The following RASEF variants were observed in gnomAD, a reference collection of about 807,000 sequenced individuals.
RASEF encodes the protein ras and EF-hand domain-containing protein.
RASEF carries 68 observed loss-of-function variants against 90.1 expected under a neutral mutation model. The observed-to-expected ratio is 0.75, with a 90% CI of 0.62 to 0.92. The LOEUF (loss-of-function observed/expected upper bound fraction) is 0.92. Among genes scored for constraint, RASEF ranks in the 40% least tolerant of loss-of-function variants. The pLI is 0.00. For synonymous variants in RASEF, 331 were observed against 345.2 expected, an observed-to-expected ratio of 0.96 and a Z score of 0.46; for missense variants, 949 against 937.2, an observed-to-expected ratio of 1.01 and a Z score of -0.16.
chr9:83,129,023 G>A, the RASEF span, among the ~76,000 whole-genome samples: 1 of 152,130 alleles, frequency 6.6e-6, no homozygotes, highest in Admixed American at 6.5e-5. Flanking sequence ...TCCCCATATA[G>A]GTCAGTTATC....
chr9:83,120,871 T>C, the RASEF span, among the ~76,000 whole-genome samples: 1 of 152,204 alleles, frequency 6.6e-6, no homozygotes, highest in Non-Finnish European at 1.5e-5. Context: ...AATTCCTTGA[T>C]ACATATCAAC....
At chr9:83,115,827 G>T in the RASEF span, among the ~76,000 whole-genome samples, 2 of 151,768 alleles carry the variant, frequency 1.3e-5, no homozygotes, top group Non-Finnish European at 2.9e-5. Flanking sequence ...TATAAATACT[G>T]CTAATATTAA....
In RASEF at chr9:83,022,352, T is replaced by C. The variant is rs1829460093; in HGVS notation, c.653A>G (p.His218Arg). The C allele has an allele frequency of 6.2e-7, 1 of 1,613,980 alleles. No homozygotes were observed. The highest frequency in any genetic ancestry group is 8.5e-7 in the Non-Finnish European group (1 of 1,179,884). The change falls in exon 3 of 17, where the codon CAT becomes CGT. Residue 218 changes from histidine (H) to arginine (R), a missense_variant. Physicochemically the swap from His to Arg is conservative, Grantham distance 29. Around this residue, in one of 3 missense-constraint regions of RASEF, gnomAD observed 656 missense variants for 592.2 expected, o/e 1.11. Coordinates refer to ENST00000376447, the MANE Select transcript of RASEF (RefSeq NM_152573.4). ...GAAACTCACGTCTTTCCGTGTCTTATGTTCTGCAGCCTGAATCCTCTGATC... is the reference window on the plus strand; with the variant it reads ...GAAACTCACGTCTTTCCGTGTCTTACGTTCTGCAGCCTGAATCCTCTGATC... ...EMDQRIQAAE[H>R]KTRKDEKRKA...
the RASEF span, among the ~76,000 whole-genome samples, chr9:83,070,913 CT>C: frequency 6.6e-6 from 1 of 152,162 alleles, no homozygotes; most frequent in African/African-American, 2.4e-5. Flanking sequence ...TAATTTCAAT[CT>C]CCAATTGTTA....
chr9:83,015,251 G>A (rs1018524028), intron 4 of RASEF, among the ~76,000 whole-genome samples: 1 of 152,214 alleles, frequency 6.6e-6, no homozygotes, highest in Non-Finnish European at 1.5e-5. Flanking sequence ...GGACTTGAGA[G>A]TACTAAGCTG....
chr9:83,076,821 A>G, the RASEF span, among the ~76,000 whole-genome samples: 3 of 152,214 alleles, frequency 2.0e-5, no homozygotes, highest in African/African-American at 7.2e-5. Context: ...TTCTTGAAAT[A>G]TGGGACACCT....
At chr9:83,136,997 C>T in the RASEF span, among the ~76,000 whole-genome samples, 6 of 151,980 alleles carry the variant, frequency 3.9e-5, 1 homozygote, top group South Asian at 4.1e-4. Flanking sequence ...ATTGAGCAAA[C>T]ATTCTATCCT....
chr9:83,080,067 C>T, the RASEF span, among the ~76,000 whole-genome samples: 13 of 152,224 alleles, frequency 8.5e-5, no homozygotes, highest in Non-Finnish European at 1.0e-4. Flanking sequence ...AAAAATAATT[C>T]GGAATAAACA....
At position 82,982,700 on chromosome 9, in the gene RASEF, T is replaced by A. The variant is rs759426460; in HGVS notation, c.2200A>T (p.Met734Leu). 31 of 1,598,806 alleles carry A rather than the reference T, an allele frequency of 1.9e-5. No individual in the cohort carries two copies. The Middle Eastern group carries it at 9.9e-4, about 51-fold the overall frequency. Residue 734 changes from methionine to leucine, a missense_variant, in exon 17 of 17, where the codon ATG (methionine) becomes TTG (leucine). Transcript: ENST00000376447. ...TGTNSKKSPQ[M>L]KNCCNG ...ATTTAGCCATTGCAACAATTCTTCA[T>A]CTGTGGTGACTTTTTGGAATTGGTC...
At chr9:83,128,758 C>A in the RASEF span, among the ~76,000 whole-genome samples, 1 of 152,116 alleles carries the variant, frequency 6.6e-6, no homozygotes, top group Non-Finnish European at 1.5e-5. Context: ...GGGGCACAAC[C>A]AGCCCAGCCA....
At chr9:83,108,334 C>G in the RASEF span, among the ~76,000 whole-genome samples, 1 of 152,122 alleles carries the variant, frequency 6.6e-6, no homozygotes, top group Admixed American at 6.5e-5. Context: ...AGCACTTAAG[C>G]CAGAAGTCAG....
chr9:83,168,689 A>G, the RASEF span, among the ~76,000 whole-genome samples: 1 of 152,190 alleles, frequency 6.6e-6, no homozygotes, highest in African/African-American at 2.4e-5. Flanking sequence ...AGGCATACAC[A>G]TGCTATCAGG....
At chr9:83,085,651 C>T in the RASEF span, among the ~76,000 whole-genome samples, 5 of 151,878 alleles carry the variant, frequency 3.3e-5, no homozygotes, top group Non-Finnish European at 5.9e-5. Context: ...TATGGCCGGG[C>T]GCAGTGGCTC....
In RASEF at chr9:83,000,911, A is replaced by G. The variant is rs1445253240; in HGVS notation, c.1422T>C (p.Asp474=). The G allele has an allele frequency of 3.1e-5, 50 of 1,613,868 alleles. No individual in the cohort carries two copies. Among genetic ancestry groups the G allele is most frequent in the Non-Finnish European group, 4.1e-5 (48 of 1,179,750 alleles). ...SHGVQESFGG[D]ASDTDVPDIR... ...TGGGGCTTACATCTGTGTCTGAAGCATCACCTCCAAAGCTCTCCTGCACCC... is the reference window on the plus strand; with the variant it reads ...TGGGGCTTACATCTGTGTCTGAAGCGTCACCTCCAAAGCTCTCCTGCACCC... The change falls in exon 10 of 17, where the codon GAT becomes GAC. Residue 474 remains aspartate, a synonymous_variant. Coordinates refer to ENST00000376447, the MANE Select transcript of RASEF (RefSeq NM_152573.4).
At chr9:83,188,975 T>C in the RASEF span, among the ~76,000 whole-genome samples, 1 of 152,142 alleles carries the variant, frequency 6.6e-6, no homozygotes, top group Admixed American at 6.5e-5. Context: ...CCCCCAGCCA[T>C]AGCCCAGCCC....
intron 16 of RASEF, 106 bp from the exon 17 acceptor site, chr9:82,982,888 C>A: frequency 1.4e-6 from 1 of 739,714 alleles, no homozygotes; most frequent in South Asian, 1.5e-5. Context: ...ATAAAAATAG[C>A]CATGCTGAGT....
intron 3 of RASEF, among the ~76,000 whole-genome samples, chr9:83,018,295 T>G (rs777943277): frequency 3.3e-5 from 5 of 152,102 alleles, no homozygotes; most frequent in Non-Finnish European, 7.4e-5. Context: ...ACGAGACCAA[T>G]CTCAAAAATC....
chr9:83,146,494 G>T, the RASEF span, among the ~76,000 whole-genome samples: 33 of 152,260 alleles, frequency 2.2e-4, no homozygotes, highest in East Asian at 6.2e-3. Flanking sequence ...CAGCAAGAAA[G>T]AATCCAATAT....
At chr9:83,112,223 A>C in the RASEF span, among the ~76,000 whole-genome samples, 1 of 152,320 alleles carries the variant, frequency 6.6e-6, no homozygotes, top group East Asian at 1.9e-4. Context: ...ACTACTTTCT[A>C]GAAAGCTATT....
Sources: gnomAD v4.1 joint callset for allele counts (sites outside exome capture counted in the v4.1 genomes callset) on GRCh38, gnomAD v4.1.1 for gene constraint, gnomAD v4.1.1 regional missense constraint, MANE v1.5 for transcripts, NCBI Gene and HGNC (gene_info 2026-07-23, HGNC 2026-07-21) for gene names.